Variants in UNC79 observed in about 807,000 individuals in gnomAD.
UNC79 encodes the protein protein unc-79 homolog.
A neutral mutation model predicts 283.1 loss-of-function variants in UNC79; 37 were observed. That is an observed-to-expected ratio of 0.13 (90% confidence interval 0.10 to 0.17). The LOEUF is 0.17. Ranked by LOEUF, UNC79 falls within the 10% of genes least tolerant of loss-of-function variation. The pLI is 1.00. For missense variants in UNC79, 2,272 were observed against 3,211.1 expected (o/e 0.71, Z 7.07); for synonymous variants, 1,107 against 1,200.2 (o/e 0.92, Z 1.61).
chr14:93,687,563 C>G (rs1279509244), intron 43 of UNC79, among the ~76,000 whole-genome samples: 1 of 152,170 alleles, frequency 6.6e-6, no homozygotes, highest in African/African-American at 2.4e-5. Flanking sequence ...AATATCATCC[C>G]TTAATCACTG....
intron 35 of UNC79, 151 bp downstream of exon 38, chr14:93,646,797 C>G: frequency 1.4e-5 from 10 of 720,226 alleles, no homozygotes; most frequent in Non-Finnish European, 2.3e-5. Flanking sequence ...ATCACTCGAG[C>G]CCGGGAGTTC....
intron 47 of UNC79, among the ~76,000 whole-genome samples, chr14:93,696,952 G>T (rs929066244): frequency 2.0e-5 from 3 of 152,062 alleles, no homozygotes; most frequent in Admixed American, 2.0e-4. Flanking sequence ...TTTGTATATG[G>T]TGTGAGGTGT....
chr14:93,437,888 C>T (rs1460561571), intron 1 of UNC79, among the ~76,000 whole-genome samples: 1 of 152,168 alleles, frequency 6.6e-6, no homozygotes, highest in Non-Finnish European at 1.5e-5. Flanking sequence ...CTTATCTTAA[C>T]TTGATTATAT....
chr14:93,695,134 A>T (rs1351022175), intron 47 of UNC79, among the ~76,000 whole-genome samples: 1 of 150,684 alleles, frequency 6.6e-6, no homozygotes, highest in African/African-American at 2.4e-5. Flanking sequence ...CTATCGTTCC[A>T]CCTCTTTGTC....
At chr14:93,375,456 G>A (rs548302862) in intron 1 of UNC79, among the ~76,000 whole-genome samples, 4 of 152,352 alleles carry the variant, frequency 2.6e-5, no homozygotes, top group African/African-American at 9.6e-5. Flanking sequence ...CCATGGATTA[G>A]TAGATTAATG....
intron 5 of UNC79, among the ~76,000 whole-genome samples, chr14:93,489,407 C>T (rs1447811672): frequency 6.6e-6 from 1 of 152,184 alleles, no homozygotes; most frequent in Non-Finnish European, 1.5e-5. Flanking sequence ...TGAATACCAT[C>T]TAAATCAGAT....
At chr14:93,622,145 C>T in exon 30 of UNC79, 2 of 1,614,136 alleles carry the variant, frequency 1.2e-6, no homozygotes, top group African/African-American at 1.3e-5. Context: ...TGAGCCTCTT[C>T]CCCCTCTCAG....
At chr14:93,357,876 TATATATATGGATATATGGAG>T (rs1566890171) in intron 1 of UNC79, among the ~76,000 whole-genome samples, 5 of 44,518 alleles carry the variant, frequency 1.1e-4, no homozygotes, top group South Asian at 6.0e-4. Context: ...GATATATGGA[TATATATATGGATATATGGAG>T]ATATATATCT....
chr14:93,574,005 A>G (rs1310047121), intron 16 of UNC79, among the ~76,000 whole-genome samples: 2 of 152,232 alleles, frequency 1.3e-5, no homozygotes, highest in Non-Finnish European at 2.9e-5. Context: ...ACCCTGTCTC[A>G]AAAAACAAAC....
At chr14:93,644,849 T>A (rs1356536806) in intron 34 of UNC79, among the ~76,000 whole-genome samples, 1 of 152,202 alleles carries the variant, frequency 6.6e-6, no homozygotes, top group Non-Finnish European at 1.5e-5. Context: ...TTTGGTAGTG[T>A]CCTTAGGAGT....
chr14:93,509,685 C>A (rs376330275), intron 7 of UNC79, among the ~76,000 whole-genome samples: 1 of 152,258 alleles, frequency 6.6e-6, no homozygotes, highest in East Asian at 1.9e-4. Flanking sequence ...GGGTTGGCTC[C>A]CAAGGCCTTG....
At chr14:93,394,940 TG>T (rs2054965318) in intron 1 of UNC79, among the ~76,000 whole-genome samples, 2 of 152,192 alleles carry the variant, frequency 1.3e-5, no homozygotes, top group Admixed American at 1.3e-4. Flanking sequence ...CTCCAACTCC[TG>T]GCCTCAAGCA....
intron 14 of UNC79, among the ~76,000 whole-genome samples, chr14:93,555,409 T>A (rs1056594432): frequency 2.1e-4 from 32 of 152,262 alleles, no homozygotes; most frequent in East Asian, 7.7e-4. Flanking sequence ...TCCTTTTTTT[T>A]AAATTAATTT....
chr14:93,502,377 C>T (rs1299514430), intron 7 of UNC79, among the ~76,000 whole-genome samples: 1 of 152,100 alleles, frequency 6.6e-6, no homozygotes, highest in East Asian at 1.9e-4. Flanking sequence ...CATGCCACTG[C>T]ACTCCAGCCT....
chr14:93,632,570 C>T (rs550093904), intron 31 of UNC79, among the ~76,000 whole-genome samples: 17 of 151,820 alleles, frequency 1.1e-4, no homozygotes, highest in Admixed American at 6.6e-4. Flanking sequence ...CGTGGTGGCG[C>T]GCACCATAGT....
intron 14 of UNC79, among the ~76,000 whole-genome samples, chr14:93,543,539 AT>A (rs1351032243): frequency 6.6e-6 from 1 of 151,774 alleles, no homozygotes; most frequent in African/African-American, 2.4e-5. Flanking sequence ...AATTAAAAAA[AT>A]TTTTTTGGTA....
At chr14:93,580,099 C>G (rs748424038) in intron 18 of UNC79, 50 bp from the exon 19 acceptor site, 2 of 1,307,792 alleles carry the variant, frequency 1.5e-6, no homozygotes, top group Non-Finnish European at 2.1e-6. Flanking sequence ...CCTTCTTCTT[C>G]TTTTTTTTTT....
intron 40 of UNC79, among the ~76,000 whole-genome samples, chr14:93,669,225 A>G (rs2072566537): frequency 6.6e-6 from 1 of 152,202 alleles, no homozygotes; most frequent in South Asian, 2.1e-4. Context: ...CTGTTTTCCC[A>G]GTTAACTTAA....
chr14:93,468,864 G>A (rs1350044436), intron 2 of UNC79, among the ~76,000 whole-genome samples: 1 of 152,132 alleles, frequency 6.6e-6, no homozygotes, highest in African/African-American at 2.4e-5. Flanking sequence ...GTAAGGTTAG[G>A]ACCTCTTACA....
Sources: gnomAD v4.1 joint callset for allele counts (sites outside exome capture counted in the v4.1 genomes callset) on GRCh38, gnomAD v4.1.1 for gene constraint, MANE v1.5 for transcripts, NCBI Gene and HGNC (gene_info 2026-07-23, HGNC 2026-07-21) for gene names.